Variants in GPC6 observed in about 807,000 individuals in gnomAD.
The protein encoded by GPC6 is glypican 6.
In GPC6, 14 loss-of-function variants were observed where a neutral mutation model predicts 55.2. The ratio of observed to expected loss-of-function variants is 0.25; its 90% CI spans 0.17 to 0.40. GPC6 has a LOEUF of 0.40. Among genes scored for constraint, GPC6 ranks in the 10% least tolerant of loss-of-function variants. The pLI is 1.00. For missense variants in GPC6, 641 were observed against 708.5 expected, an observed-to-expected ratio of 0.90 and a Z score of 1.08; for synonymous variants, 278 against 259.6, an observed-to-expected ratio of 1.07 and a Z score of -0.68.
chr13:93,322,590 C>A (rs1879493906), intron 1 of GPC6, among the ~76,000 whole-genome samples: 1 of 151,706 alleles, frequency 6.6e-6, no homozygotes, highest in South Asian at 2.1e-4. Flanking sequence ...GTGCCCGCCA[C>A]CATGCCCAGC....
intron 2 of GPC6, among the ~76,000 whole-genome samples, chr13:93,632,215 G>A (rs1879476379): frequency 6.6e-6 from 1 of 152,158 alleles, no homozygotes; most frequent in Non-Finnish European, 1.5e-5. Context: ...TTTTATCCAT[G>A]GCTAAGTTTT....
At chr13:93,268,096 T>C (rs753365076) in intron 1 of GPC6, among the ~76,000 whole-genome samples, 1 of 152,248 alleles carries the variant, frequency 6.6e-6, no homozygotes, top group Non-Finnish European at 1.5e-5. Flanking sequence ...GGCTCATTTT[T>C]AGCATTTTAT....
At chr13:93,376,451 C>T (rs1393489510) in intron 1 of GPC6, among the ~76,000 whole-genome samples, 2 of 152,134 alleles carry the variant, frequency 1.3e-5, no homozygotes, top group Admixed American at 1.3e-4. Context: ...TAATATCAAG[C>T]AGGTTAATTC....
intron 6 of GPC6, among the ~76,000 whole-genome samples, chr13:94,315,817 C>A (rs1159172763): frequency 6.6e-6 from 1 of 152,182 alleles, no homozygotes; most frequent in Non-Finnish European, 1.5e-5. Flanking sequence ...GTGACTAGAC[C>A]ATAATCGAAG....
At chr13:94,061,699 A>T (rs983990262) in intron 4 of GPC6, among the ~76,000 whole-genome samples, 2 of 151,788 alleles carry the variant, frequency 1.3e-5, no homozygotes, top group African/African-American at 4.8e-5. Context: ...TGCCCTGCTG[A>T]TGCCATTATC....
At chr13:93,911,941 A>G (rs1231238483) in intron 3 of GPC6, among the ~76,000 whole-genome samples, 1 of 152,218 alleles carries the variant, frequency 6.6e-6, no homozygotes, top group Admixed American at 6.5e-5. Context: ...AAGTGATTTC[A>G]TACAGCTGAG....
At chr13:93,323,889 G>A (rs948348304) in intron 1 of GPC6, among the ~76,000 whole-genome samples, 3 of 152,150 alleles carry the variant, frequency 2.0e-5, no homozygotes, top group East Asian at 1.9e-4. Context: ...GGGTGATTCC[G>A]CAAAAAACTA....
rs1034094716 is a variant in GPC6, at chr13:94,405,993, A to G, written c.*2776A>G. The G allele has an allele frequency of 6.6e-6, 1 of 152,152 alleles. No individual in the cohort carries two copies. The highest frequency in any genetic ancestry group is 1.5e-5 in the Non-Finnish European group (1 of 68,004). The allele number at this position is 152,152 out of a possible 1,614,324, so 9.4% of individuals were successfully genotyped here. ...TCGAATTATTTTTTCTCATTTCAGC[A>G]TAGTGATAGGGGATGCAATGAGGCT... On this transcript the variant is annotated 3_prime_UTR_variant, in exon 9 of 9. Coordinates refer to ENST00000377047, the MANE Select transcript of GPC6 (RefSeq NM_005708.5).
chr13:93,861,644 C>T (rs1888817008), intron 3 of GPC6, among the ~76,000 whole-genome samples: 1 of 151,600 alleles, frequency 6.6e-6, no homozygotes, highest in African/African-American at 2.4e-5. Flanking sequence ...AGCTGGTTTA[C>T]TCTGCGCTGT....
At chr13:93,596,241 C>T (rs1189507735) in intron 2 of GPC6, among the ~76,000 whole-genome samples, 1 of 152,010 alleles carries the variant, frequency 6.6e-6, no homozygotes, top group African/African-American at 2.4e-5. Context: ...AGAAAAAGTG[C>T]CAAAGTTCAA....
At chr13:93,516,548 G>A (rs2813601) in intron 1 of GPC6, among the ~76,000 whole-genome samples, 143,400 of 152,116 alleles carry the variant, frequency 0.94, 68,156 homozygotes, top group East Asian at 1. Context: ...CCAGTAAAAG[G>A]TTTCTGAACA....
At chr13:93,694,284 C>G (rs1025418458) in intron 2 of GPC6, among the ~76,000 whole-genome samples, 1 of 152,050 alleles carries the variant, frequency 6.6e-6, no homozygotes, top group Non-Finnish European at 1.5e-5. Flanking sequence ...TGAATAGAGC[C>G]CATGAGGCTT....
At chr13:93,388,687 C>T (rs1013513875) in intron 1 of GPC6, among the ~76,000 whole-genome samples, 3 of 152,186 alleles carry the variant, frequency 2.0e-5, no homozygotes, top group East Asian at 1.9e-4. Context: ...CCACCTTCCC[C>T]GTTACTTTCT....
At chr13:93,463,207 T>C (rs1878768382) in intron 1 of GPC6, among the ~76,000 whole-genome samples, 1 of 152,224 alleles carries the variant, frequency 6.6e-6, no homozygotes, top group African/African-American at 2.4e-5. Flanking sequence ...GGCAAATGCA[T>C]GAGTTTCTCC....
chr13:93,881,292 G>C (rs61964366), intron 3 of GPC6, among the ~76,000 whole-genome samples: 3 of 151,892 alleles, frequency 2.0e-5, no homozygotes, highest in Non-Finnish European at 4.4e-5. Context: ...TTTATTTGCA[G>C]TGATAGGTGT....
intron 2 of GPC6, among the ~76,000 whole-genome samples, chr13:93,729,923 T>C (rs1190320689): frequency 6.6e-6 from 1 of 152,174 alleles, no homozygotes; most frequent in African/African-American, 2.4e-5. Flanking sequence ...AATAGTACAC[T>C]GAAGCATCCA....
chr13:93,593,442 G>A (rs1235785326), intron 2 of GPC6, among the ~76,000 whole-genome samples: 2 of 152,158 alleles, frequency 1.3e-5, no homozygotes, highest in Admixed American at 1.3e-4. Flanking sequence ...AAAACTAACA[G>A]TTCAAGCTTC....
intron 2 of GPC6, among the ~76,000 whole-genome samples, chr13:93,659,426 A>G (rs1331533556): frequency 6.6e-6 from 1 of 151,978 alleles, no homozygotes; most frequent in Non-Finnish European, 1.5e-5. Context: ...TAGTACCAAA[A>G]GTCATGAGTC....
chr13:93,985,989 G>A (rs1047669483), intron 3 of GPC6, among the ~76,000 whole-genome samples: 1 of 152,004 alleles, frequency 6.6e-6, no homozygotes, highest in Admixed American at 6.6e-5. Flanking sequence ...GCAAATGACT[G>A]AAGGTTTTTT....
Sources: gnomAD v4.1 joint callset for allele counts (sites outside exome capture counted in the v4.1 genomes callset) on GRCh38, gnomAD v4.1.1 for gene constraint, MANE v1.5 for transcripts, NCBI Gene and HGNC (gene_info 2026-07-23, HGNC 2026-07-21) for gene names.